The following THSD7B variants were observed in gnomAD, a reference collection of about 807,000 sequenced individuals.
THSD7B encodes the protein thrombospondin type 1 domain containing 7B.
A neutral mutation model predicts 213.6 loss-of-function variants in THSD7B; 138 were observed. The observed-to-expected ratio is 0.65, with a 90% confidence interval of 0.56 to 0.74. The LOEUF is 0.74. THSD7B is among the 30% of genes least tolerant of loss of function. The probability of loss-of-function intolerance (pLI) is 0.00; values close to 1 mark genes in which losing one functional copy is unlikely to be tolerated. For synonymous variants in THSD7B, 742 were observed against 687.0 expected (o/e 1.08, Z -1.25); for missense variants, 1,931 against 1,991.5 (o/e 0.97, Z 0.58).
At chr2:136,876,490 A>G (rs1413471883) in intron 1 of THSD7B, among the ~76,000 whole-genome samples, 1 of 152,186 alleles carries the variant, frequency 6.6e-6, no homozygotes, top group Non-Finnish European at 1.5e-5. Flanking sequence ...TGTGGTGTGT[A>G]TGTGTCTGGA....
intron 2 of THSD7B, among the ~76,000 whole-genome samples, chr2:136,961,395 A>G (rs188643211): frequency 6.6e-6 from 1 of 151,148 alleles, no homozygotes; most frequent in Non-Finnish European, 1.5e-5. Context: ...AATTTTTTGT[A>G]TTTCTTAGTA....
At chr2:137,360,992 A>G (rs996965562) in intron 12 of THSD7B, among the ~76,000 whole-genome samples, 1 of 152,120 alleles carries the variant, frequency 6.6e-6, no homozygotes, top group African/African-American at 2.4e-5. Flanking sequence ...GTGCCCCTCT[A>G]AGATGAAGTT....
intron 12 of THSD7B, among the ~76,000 whole-genome samples, chr2:137,395,336 C>A (rs1267640902): frequency 6.7e-6 from 1 of 150,316 alleles, no homozygotes; most frequent in African/African-American, 2.5e-5. Flanking sequence ...AAATATGTCC[C>A]ATCATTACCT....
intron 3 of THSD7B, among the ~76,000 whole-genome samples, chr2:137,070,449 A>G (rs941826838): frequency 3.3e-5 from 5 of 151,934 alleles, no homozygotes; most frequent in Non-Finnish European, 2.9e-5. Flanking sequence ...TTTTGGAGGT[A>G]TGTTTTCAGG....
intron 9 of THSD7B, among the ~76,000 whole-genome samples, chr2:137,234,981 A>G (rs191235314): frequency 6.6e-6 from 1 of 152,304 alleles, no homozygotes; most frequent in African/African-American, 2.4e-5. Context: ...GTATTTTTCA[A>G]CTTACCTGGT....
chr2:136,779,852 G>A (rs1238349772), intron 1 of THSD7B, among the ~76,000 whole-genome samples: 1 of 152,188 alleles, frequency 6.6e-6, no homozygotes, highest in Non-Finnish European at 1.5e-5. Context: ...GACGCAAATA[G>A]GGTTAGTCCT....
intron 12 of THSD7B, among the ~76,000 whole-genome samples, chr2:137,315,155 C>G (rs558705417): frequency 2.6e-5 from 4 of 152,154 alleles, no homozygotes; most frequent in Non-Finnish European, 2.9e-5. Flanking sequence ...TAGCAATCAG[C>G]GAGACTCCGT....
At chr2:137,346,622 T>C (rs1321186053) in intron 12 of THSD7B, among the ~76,000 whole-genome samples, 1 of 151,676 alleles carries the variant, frequency 6.6e-6, no homozygotes, top group African/African-American at 2.4e-5. Flanking sequence ...TCTTCCAGAG[T>C]GCTCTATGTC....
chr2:137,382,203 G>T (rs1685793284), intron 12 of THSD7B, among the ~76,000 whole-genome samples: 1 of 152,182 alleles, frequency 6.6e-6, no homozygotes, highest in Admixed American at 6.5e-5. Context: ...GGTTGCCTCA[G>T]TGCTATATGC....
chr2:137,016,136 A>G (rs1276952486), intron 2 of THSD7B, among the ~76,000 whole-genome samples: 1 of 152,100 alleles, frequency 6.6e-6, no homozygotes, highest in Non-Finnish European at 1.5e-5. Context: ...GAACCTTGTA[A>G]GGTAGGTAAA....
intron 17 of THSD7B, among the ~76,000 whole-genome samples, chr2:137,577,061 AC>A (rs1303652514): frequency 1.3e-5 from 2 of 151,972 alleles, no homozygotes; most frequent in Non-Finnish European, 2.9e-5. Flanking sequence ...CCCTCATACT[AC>A]CTAGTTCTTT....
At chr2:137,248,870 C>A (rs1682102852) in intron 10 of THSD7B, among the ~76,000 whole-genome samples, 1 of 152,152 alleles carries the variant, frequency 6.6e-6, no homozygotes, top group South Asian at 2.1e-4. Context: ...ATAATGTTAT[C>A]TTTTCCAAAG....
intron 7 of THSD7B, among the ~76,000 whole-genome samples, chr2:137,194,019 G>A (rs1680710731): frequency 6.6e-6 from 1 of 152,046 alleles, no homozygotes; most frequent in African/African-American, 2.4e-5. Context: ...AATGATTAAT[G>A]GGATAATAGC....
intron 14 of THSD7B, among the ~76,000 whole-genome samples, chr2:137,433,798 G>A (rs1687236111): frequency 6.6e-6 from 1 of 151,964 alleles, no homozygotes; most frequent in Admixed American, 6.6e-5. Context: ...CATTTTCACT[G>A]TGCAGTTTAA....
chr2:137,086,939 T>C (rs571029007), intron 3 of THSD7B, among the ~76,000 whole-genome samples: 1 of 152,346 alleles, frequency 6.6e-6, no homozygotes, highest in East Asian at 1.9e-4. Context: ...TAGAGATATG[T>C]ACAAGGAGGT....
chr2:137,207,510 G>A (rs1350743824), intron 7 of THSD7B, among the ~76,000 whole-genome samples: 7 of 152,072 alleles, frequency 4.6e-5, no homozygotes, highest in Admixed American at 2.6e-4. Flanking sequence ...TTAACCACCA[G>A]AGTGTAATGC....
chr2:137,333,487 C>T (rs6740175), intron 12 of THSD7B, among the ~76,000 whole-genome samples: 48,013 of 152,090 alleles, frequency 0.32, 8,002 homozygotes, highest in African/African-American at 0.4. Flanking sequence ...CAATCCAGCT[C>T]TAGCTGCACT....
intron 12 of THSD7B, among the ~76,000 whole-genome samples, chr2:137,398,370 TTTCC>T (rs1301229161): frequency 6.8e-6 from 1 of 147,448 alleles, no homozygotes; most frequent in Non-Finnish European, 1.5e-5. Flanking sequence ...GTTTGTTAGT[TTTCC>T]TTCTAACAGA....
chr2:136,888,407 T>C (rs897430469), intron 2 of THSD7B, among the ~76,000 whole-genome samples: 15 of 152,216 alleles, frequency 9.9e-5, no homozygotes, highest in Middle Eastern at 3.4e-3. Flanking sequence ...GCATTGAATG[T>C]ACTTTAAGGA....
Sources: gnomAD v4.1 joint callset for allele counts (sites outside exome capture counted in the v4.1 genomes callset) on GRCh38, gnomAD v4.1.1 for gene constraint, MANE v1.5 for transcripts, NCBI Gene and HGNC (gene_info 2026-07-23, HGNC 2026-07-21) for gene names.